CYBRD1: variants seen among roughly 807,000 people sequenced by gnomAD.
CYBRD1 encodes the protein plasma membrane ascorbate-dependent reductase CYBRD1.
In CYBRD1, 14 loss-of-function variants were observed where a neutral mutation model predicts 21.9. The observed-to-expected ratio is 0.64, with a 90% CI of 0.42 to 1.00. The LOEUF is 1.00. Among genes scored for constraint, CYBRD1 ranks in the 50% least tolerant of loss-of-function variants. CYBRD1 has a pLI of 0.00. For missense variants in CYBRD1, 328 were observed against 352.5 expected (o/e 0.93, Z 0.56); for synonymous variants, 146 against 136.5 (o/e 1.07, Z -0.48).
chr2:171,523,336 C>G (rs574140850), intron 1 of CYBRD1: 11 of 354,692 alleles, frequency 3.1e-5, no homozygotes, highest in South Asian at 2.2e-4. Flanking sequence ...CCAAGGGGGG[C>G]GAGTGAAGCA....
chr2:171,534,059 TG>T (rs1247367646), intron 1 of CYBRD1, among the ~76,000 whole-genome samples: 2 of 152,222 alleles, frequency 1.3e-5, no homozygotes, highest in Admixed American at 1.3e-4. Flanking sequence ...TTCTCTTCAT[TG>T]TCTTAAGATA....
In CYBRD1 at chr2:171,552,080, A is replaced by G. The variant is rs540158285; in HGVS notation, c.403-1266A>G. Among the ~76,000 whole-genome samples, 23 of 152,306 alleles carry G rather than the reference A, an allele frequency of 1.5e-4. No individual in the cohort carries two copies. The South Asian group carries it at 4.4e-3, about 29-fold the overall frequency. On this transcript the variant is annotated intron_variant, in intron 2 of 3. Coordinates refer to ENST00000321348, the MANE Select transcript of CYBRD1 (RefSeq NM_024843.4). The stretch of plus-strand genomic sequence containing the variant: ...GGAAGAGAGCTACTCTGAAATGCCT[A>G]TAGACCATAAGCAGACTGTGTGTGA...
intron 1 of CYBRD1, among the ~76,000 whole-genome samples, chr2:171,524,665 A>C (rs1011972382): frequency 2.6e-5 from 4 of 152,348 alleles, no homozygotes; most frequent in South Asian, 4.1e-4. Flanking sequence ...AAGTTGTTTT[A>C]AGTCTTTTCA....
rs945199918 is a variant in CYBRD1, at chr2:171,558,058, T to C, written c.*3231T>C. On this transcript the variant is annotated 3_prime_UTR_variant, in exon 4 of 4. Coordinates refer to ENST00000321348, the MANE Select transcript of CYBRD1 (RefSeq NM_024843.4). ...AATATTAACTATCCTGAATATTTTA[T>C]AATTTTGTAGGAAAAATATGCATCT... 1 of 151,988 alleles carries C rather than the reference T, an allele frequency of 6.6e-6. No individual in the cohort carries two copies. The highest frequency in any genetic ancestry group is 1.5e-5 in the Non-Finnish European group (1 of 67,986). The allele number at this position is 151,988 out of a possible 1,614,324, so 9.4% of individuals were successfully genotyped here.
At chr2:171,542,758 G>T (rs568048182) in intron 2 of CYBRD1, among the ~76,000 whole-genome samples, 1 of 152,228 alleles carries the variant, frequency 6.6e-6, no homozygotes, top group East Asian at 1.9e-4. Context: ...GTGCACACCT[G>T]TTGTCCTGGC....
Position 171,555,120 on chromosome 2 carries a change from T to C in CYBRD1, c.*293T>C. On this transcript the variant is annotated 3_prime_UTR_variant, in exon 4 of 4. Transcript: ENST00000321348. ...TTGTGCAGAATAGATACTCAATATG[T>C]GAATATGTGTCTACTAGTAGTTAAT... 2.5e-6 allele frequency: 1 copy of C among 407,014 alleles called. No individual in the cohort carries two copies. The highest frequency in any genetic ancestry group is 4.5e-6 in the Non-Finnish European group (1 of 220,728). The allele number at this position is 407,014 out of a possible 1,614,324, so 25.2% of individuals were successfully genotyped here.
chr2:171,525,796 C>A (rs951523684), intron 1 of CYBRD1, among the ~76,000 whole-genome samples: 1 of 151,948 alleles, frequency 6.6e-6, no homozygotes, highest in Non-Finnish European at 1.5e-5. Context: ...TCCTTTGAAA[C>A]ACCTTTAAGA....
chr2:171,550,451 G>A (rs754445156), intron 2 of CYBRD1, among the ~76,000 whole-genome samples: 35 of 151,980 alleles, frequency 2.3e-4, no homozygotes, highest in African/African-American at 4.1e-4. Context: ...GAGACAAAAG[G>A]TCTTATAATT....
chr2:171,524,335 T>C (rs1697354687), intron 1 of CYBRD1, among the ~76,000 whole-genome samples: 1 of 152,212 alleles, frequency 6.6e-6, no homozygotes, highest in Non-Finnish European at 1.5e-5. Context: ...CACTCTTTCC[T>C]TCGTGGTGGA....
intron 2 of CYBRD1, among the ~76,000 whole-genome samples, chr2:171,542,374 G>A (rs1407212174): frequency 1.3e-5 from 2 of 152,088 alleles, no homozygotes; most frequent in Non-Finnish European, 2.9e-5. Context: ...ATCAGGCTGG[G>A]CATGCTGGCT....
chr2:171,554,983 C>T lies in CYBRD1; in HGVS notation c.*156C>T, dbSNP rs1427901410. ...TTGAAATAATTTGTATTGATTGAGG[C>T]CTATGAACTGACCTGAATTGGAAAG... On this transcript the variant is annotated 3_prime_UTR_variant, in exon 4 of 4. Coordinates refer to ENST00000321348, the MANE Select transcript of CYBRD1 (RefSeq NM_024843.4). 1 of 777,412 alleles carries T rather than the reference C, an allele frequency of 1.3e-6. No individual in the cohort carries two copies. Among genetic ancestry groups the T allele is most frequent in the East Asian group, 2.7e-5 (1 of 37,442 alleles). 48.2% of individuals were successfully genotyped at this position (777,412 alleles called of 1,614,324 possible).
intron 3 of CYBRD1, among the ~76,000 whole-genome samples, chr2:171,553,812 T>C (rs1683432375): frequency 6.6e-6 from 1 of 152,192 alleles, no homozygotes. Context: ...TCATCCTTTT[T>C]AAAAATTTTA....
Position 171,522,565 on chromosome 2 carries a change from G to A in CYBRD1, c.20G>A (p.Trp7Ter). The A allele has an allele frequency of 6.2e-7, 1 of 1,606,998 alleles. No individual in the cohort carries two copies. Among genetic ancestry groups the A allele is most frequent in the East Asian group, 2.2e-5 (1 of 44,688 alleles). MAMEGY[W>*]RFLALLGSAL... is the part of the protein sequence containing the mutation. ...GCGCTGATGGCCATGGAGGGCTACT[G>A]GCGCTTCCTGGCGCTGCTGGGGTCG... Residue 7 changes from tryptophan to a stop codon, truncating the protein, a stop_gained, in exon 1 of 4, where the codon TGG becomes TAG. Transcript: ENST00000321348. LOFTEE classifies it high-confidence loss of function. This position sits in a 1 kb window ranked among gnomAD's most constrained non-coding sequence, Gnocchi z 4.3.
At chr2:171,552,281 A>G (rs762467642) in intron 2 of CYBRD1, among the ~76,000 whole-genome samples, 17 of 152,268 alleles carry the variant, frequency 1.1e-4, no homozygotes, top group Non-Finnish European at 1.9e-4. Flanking sequence ...TGTTTTGATG[A>G]TTATATGATT....
chr2:171,542,903 T>A (rs1051203089), intron 2 of CYBRD1, among the ~76,000 whole-genome samples: 11 of 151,970 alleles, frequency 7.2e-5, no homozygotes, highest in African/African-American at 2.7e-4. Flanking sequence ...TAAATAAAAA[T>A]CTTTGGGGTT....
intron 1 of CYBRD1, among the ~76,000 whole-genome samples, chr2:171,534,236 A>G (rs1200285397): frequency 2.0e-5 from 3 of 152,176 alleles, no homozygotes; most frequent in African/African-American, 7.2e-5. Flanking sequence ...TGGAATGCCA[A>G]CTACAGCCTC....
At chr2:171,546,865 G>A (rs149320721) in intron 2 of CYBRD1, among the ~76,000 whole-genome samples, 95 of 152,250 alleles carry the variant, frequency 6.2e-4, no homozygotes, top group African/African-American at 2.2e-3. Flanking sequence ...TTGAGGAGTA[G>A]GGAGGAGACC....
intron 1 of CYBRD1, among the ~76,000 whole-genome samples, chr2:171,535,394 G>A (rs558456463): frequency 5.9e-5 from 9 of 152,306 alleles, no homozygotes; most frequent in African/African-American, 1.7e-4. Context: ...GAAAGCTAGC[G>A]TGCAGCCAAT....
chr2:171,523,816 C>G (rs1290736263), intron 1 of CYBRD1, among the ~76,000 whole-genome samples: 1 of 152,222 alleles, frequency 6.6e-6, no homozygotes, highest in East Asian at 1.9e-4. Flanking sequence ...TATTTGTAAC[C>G]ACTTCCCCAA....
Sources: allele counts gnomAD v4.1 joint callset (sites outside exome capture counted in the v4.1 genomes callset), GRCh38; gene constraint gnomAD v4.1.1; non-coding constraint Gnocchi (gnomAD v3.1); transcripts MANE v1.5; gene names NCBI Gene and HGNC (gene_info 2026-07-23, HGNC 2026-07-21).